DNAH1: variants seen among roughly 807,000 people sequenced by gnomAD.
DNAH1 encodes the protein axonemal beta dynein heavy chain 1.
In DNAH1, 327 loss-of-function variants were observed where a neutral mutation model predicts 484.3. The ratio of observed to expected loss-of-function variants is 0.68; its 90% confidence interval spans 0.62 to 0.74. The LOEUF (loss-of-function observed/expected upper bound fraction) is 0.74. Among genes scored for constraint, DNAH1 ranks in the 30% least tolerant of loss-of-function variants. The pLI is 0.00. For missense variants in DNAH1, 5,052 were observed against 5,546.8 expected, an observed-to-expected ratio of 0.91 and a Z score of 2.83; for synonymous variants, 2,192 against 2,191.9, an observed-to-expected ratio of 1.00 and a Z score of 0.00.
At chr3:52,375,167 A>T (rs976192063) in intron 44 of DNAH1, 73 bp from the exon 45 acceptor site, 3 of 1,476,418 alleles carry the variant, frequency 2.0e-6, no homozygotes, top group Non-Finnish European at 2.7e-6. Context: ...GAATTTTTGT[A>T]TGGAGAAGGG....
At chr3:52,332,994 C>T (rs1441051617) in intron 8 of DNAH1, among the ~76,000 whole-genome samples, 6 of 152,096 alleles carry the variant, frequency 3.9e-5, no homozygotes, top group Non-Finnish European at 4.4e-5. Flanking sequence ...CTCAAGCAAG[C>T]CTCCCACCTC....
At chr3:52,341,753 G>T (rs1352140482) in intron 8 of DNAH1, among the ~76,000 whole-genome samples, 2 of 152,084 alleles carry the variant, frequency 1.3e-5, no homozygotes, top group Admixed American at 1.3e-4. Flanking sequence ...TGTAGCTGGG[G>T]CTGTAGTCAT....
At chr3:52,376,392 G>A (rs947767249) in intron 46 of DNAH1, among the ~76,000 whole-genome samples, 10 of 152,172 alleles carry the variant, frequency 6.6e-5, no homozygotes, top group African/African-American at 1.4e-4. Flanking sequence ...GCGGCAAGGC[G>A]GCTGACCACT....
chr3:52,391,482 G>A lies in DNAH1; in HGVS notation c.9931G>A (p.Asp3311Asn), dbSNP rs771894574. The A allele has an allele frequency of 6.2e-7, 1 of 1,612,980 alleles. No individual in the cohort carries two copies. Among genetic ancestry groups the A allele is most frequent in the African/African-American group, 1.3e-5 (1 of 74,810 alleles). Reference protein sequence around the residue: ...QQGNTVLKLGDTVIPYHEDFR... With the variant: ...QQGNTVLKLGNTVIPYHEDFR... ...GGGAAACACGGTGCTGAAGCTGGGG[G>A]ACACGGTGATCCCCTACCATGAGGA... Residue 3311 changes from aspartate (D) to asparagine (N), a missense_variant, in exon 63 of 78, where the codon GAC (aspartate) becomes AAC (asparagine). Around this residue, in one of 4 missense-constraint regions of DNAH1, gnomAD observed 2,929 missense variants for 3,409.4 expected, o/e 0.86. Coordinates refer to ENST00000420323, the MANE Select transcript of DNAH1 (RefSeq NM_015512.5).
intron 8 of DNAH1, among the ~76,000 whole-genome samples, chr3:52,338,974 C>CA (rs1701832285): frequency 6.6e-6 from 1 of 151,638 alleles, no homozygotes; most frequent in Non-Finnish European, 1.5e-5. Context: ...GCAGAGCTTG[C>CA]AGTTAGCTGA....
chr3:52,355,153 C>A lies in DNAH1; in HGVS notation c.3693+98C>A. 1 of 1,229,006 alleles carries A rather than the reference C, an allele frequency of 8.1e-7. No individual in the cohort carries two copies. The highest frequency in any genetic ancestry group is 1.2e-6 in the Non-Finnish European group (1 of 859,334). The allele number at this position is 1,229,006 out of a possible 1,614,324, so 76.1% of individuals were successfully genotyped here. ...GGTCTCCGGGTGGGGTTCAAAGCAT[C>A]GCAGTGCCTTGCCCTCATTCACACA... is the stretch of plus-strand genomic sequence containing the variant. On this transcript the variant is annotated intron_variant, in intron 21 of 77. Transcript: ENST00000420323. This position sits in a 1 kb window ranked among gnomAD's most constrained non-coding sequence, Gnocchi z 4.5.
chr3:52,326,413 C>G lies in DNAH1; in HGVS notation c.581+99C>G. Reference sequence around the variant, plus strand: ...GATCACCAGGTGATAATCCTCATGGCAGAGCCTGTGCACAAGTGTTTAGAT... The same window carrying G: ...GATCACCAGGTGATAATCCTCATGGGAGAGCCTGTGCACAAGTGTTTAGAT... On this transcript the variant is annotated intron_variant, in intron 4 of 77. Coordinates refer to ENST00000420323, the MANE Select transcript of DNAH1 (RefSeq NM_015512.5). 3.6e-6 allele frequency: 5 copies of G among 1,382,744 alleles called. No individual in the cohort carries two copies. In the African/African-American group the frequency reaches 5.7e-5, roughly 16 times the overall value. The allele number at this position is 1,382,744 out of a possible 1,614,324, so 85.7% of individuals were successfully genotyped here. A position where few individuals can be genotyped will look rare whatever the true frequency, so the allele number is the denominator to read the frequency against.
rs777504039 is a variant in DNAH1 at position 52,370,819 on chromosome 3, C to T, written c.6519C>T (p.Tyr2173=). The T allele has an allele frequency of 9.3e-5, 149 of 1,598,304 alleles. No homozygotes were observed. The highest frequency in any genetic ancestry group is 8.4e-4 in the Middle Eastern group (5 of 5,980). The change falls in exon 41 of 78, where the codon TAC becomes TAT. Residue 2173 remains tyrosine, a synonymous_variant. Coordinates refer to ENST00000420323, the MANE Select transcript of DNAH1 (RefSeq NM_015512.5). ...TNDSEDEEEE[Y]KQVAWVKWMD... Reference sequence around the variant, plus strand: ...ACAGTGAGGATGAAGAGGAGGAATACAAGCAGGTGGCCGCAGGCCCTCCCC... The same window carrying T: ...ACAGTGAGGATGAAGAGGAGGAATATAAGCAGGTGGCCGCAGGCCCTCCCC...
intron 34 of DNAH1, 84 bp from the exon 35 acceptor site, chr3:52,366,373 C>G (rs1703072409): frequency 9.0e-7 from 1 of 1,111,826 alleles, no homozygotes; most frequent in African/African-American, 1.6e-5. Flanking sequence ...AGTGCAGTGA[C>G]TCACCCAAGG....
chr3:52,399,124 G>C lies in DNAH1; in HGVS notation c.12364G>C (p.Ala4122Pro). The C allele has an allele frequency of 1.2e-6, 2 of 1,614,004 alleles. No individual in the cohort carries two copies. Among genetic ancestry groups the C allele is most frequent in the Non-Finnish European group, 1.7e-6 (2 of 1,179,878 alleles). The change falls in exon 76 of 78, where the codon GCT becomes CCT. Residue 4122 changes from alanine (A) to proline (P), a missense_variant. Around this residue, in one of 4 missense-constraint regions of DNAH1, gnomAD observed 853 missense variants for 899.0 expected, o/e 0.95. Coordinates refer to ENST00000420323, the MANE Select transcript of DNAH1 (RefSeq NM_015512.5). ...FWISGFFFPQAFLTGTLQNFA... is the reference protein window; with the variant it reads ...FWISGFFFPQPFLTGTLQNFA... ...GATCAGTGGATTCTTCTTCCCCCAG[G>C]CTTTCTTAACAGGCACTCTGCAGAA...
Position 52,366,452 on chromosome 3 carries a change from C to T in DNAH1, c.5519-5C>T, listed in dbSNP as rs1274041521. ...GACCCTTGGGCCCCATGCCATGTCCCCCAGGCTTCCTGACAAAGTGCATCC... is the reference window on the plus strand; with the variant it reads ...GACCCTTGGGCCCCATGCCATGTCCTCCAGGCTTCCTGACAAAGTGCATCC... On this transcript the variant is annotated splice_region_variant and splice_polypyrimidine_tract_variant and intron_variant, in intron 34 of 77. Transcript: ENST00000420323. The T allele has an allele frequency of 1.6e-5, 25 of 1,587,272 alleles. No individual in the cohort carries two copies. The highest frequency in any genetic ancestry group is 2.1e-5 in the Non-Finnish European group (25 of 1,167,420).
chr3:52,380,372 G>C (rs1703791638), intron 48 of DNAH1, among the ~76,000 whole-genome samples: 1 of 152,084 alleles, frequency 6.6e-6, no homozygotes, highest in African/African-American at 2.4e-5. Flanking sequence ...ATGGGCTCTA[G>C]ACACAGGGGC....
chr3:52,358,844 T>C lies in DNAH1; in HGVS notation c.4266+107T>C. Reference sequence around the variant, plus strand: ...TCGTCCTCAGGCTGCAGCCCTGAGGTCCCTGGGGGCTCAGGCGGGATTCTG... The same window carrying C: ...TCGTCCTCAGGCTGCAGCCCTGAGGCCCCTGGGGGCTCAGGCGGGATTCTG... On this transcript the variant is annotated intron_variant, in intron 25 of 77. Transcript: ENST00000420323. This position sits in a 1 kb window ranked among gnomAD's most constrained non-coding sequence, Gnocchi z 4.2. 1 of 1,333,968 alleles carries C rather than the reference T, an allele frequency of 7.5e-7. No homozygotes were observed. The highest frequency in any genetic ancestry group is 1.0e-6 in the Non-Finnish European group (1 of 966,826). The allele number at this position is 1,333,968 out of a possible 1,614,324, so 82.6% of individuals were successfully genotyped here. A position where few individuals can be genotyped will look rare whatever the true frequency, so the allele number is the denominator to read the frequency against.
intron 3 of DNAH1, among the ~76,000 whole-genome samples, chr3:52,324,478 A>G (rs1701263325): frequency 6.6e-6 from 1 of 152,104 alleles, no homozygotes; most frequent in South Asian, 2.1e-4. Context: ...GTGGCCTCCC[A>G]CCTGGCCAGG....
At position 52,353,511 on chromosome 3, in the gene DNAH1, A is replaced by G. The variant is rs759033091; in HGVS notation, c.3358A>G (p.Ile1120Val). 2 of 1,613,952 alleles carry G rather than the reference A, an allele frequency of 1.2e-6. No homozygotes were observed. The highest frequency in any genetic ancestry group is 1.7e-5 in the Admixed American group (1 of 60,026). The change falls in exon 20 of 78, where the codon ATC becomes GTC. Residue 1120 changes from isoleucine (I) to valine (V), a missense_variant. By Grantham distance (29) the Ile-to-Val change is conservative. This residue lies in a region of DNAH1 where 2,929 missense variants were observed against 3,409.4 expected (regional missense o/e 0.86). Coordinates refer to ENST00000420323, the MANE Select transcript of DNAH1 (RefSeq NM_015512.5). The surrounding 1 kb of genome is among the most constrained non-coding windows in gnomAD (Gnocchi z 5.0). ...GGAGACACTGTCCAACCAGATCAAC[A>G]TCAATGTCAGGCCCAAGGCCAACCT... ...HWETLSNQININVRPKANLTF... is the reference protein window; with the variant it reads ...HWETLSNQINVNVRPKANLTF...
At chr3:52,387,268 T>C (rs1704150847) in intron 56 of DNAH1, among the ~76,000 whole-genome samples, 1 of 151,998 alleles carries the variant, frequency 6.6e-6, no homozygotes, top group African/African-American at 2.4e-5. Context: ...ATCCCCTCTC[T>C]CCCTCAGCCT....
Position 52,374,717 on chromosome 3 carries a change from A to G in DNAH1, c.6986-523A>G. The G allele has an allele frequency of 3.0e-6, 4 of 1,346,432 alleles. No homozygotes were observed. The South Asian group carries it at 4.7e-5, about 16-fold the overall frequency. The allele number at this position is 1,346,432 out of a possible 1,614,324, so 83.4% of individuals were successfully genotyped here. A position where few individuals can be genotyped will look rare whatever the true frequency, so the allele number is the denominator to read the frequency against. On this transcript the variant is annotated intron_variant, in intron 44 of 77. Coordinates refer to ENST00000420323, the MANE Select transcript of DNAH1 (RefSeq NM_015512.5). Reference sequence around the variant, plus strand: ...CAAAGACCCATTGGAACAAGATAATACATGGCTTGATATACAACGCCCTGA... The same window carrying G: ...CAAAGACCCATTGGAACAAGATAATGCATGGCTTGATATACAACGCCCTGA...
chr3:52,379,956 C>T lies in DNAH1; in HGVS notation c.7429C>T (p.Arg2477Trp), dbSNP rs765589152. 25 of 1,581,768 alleles carry T rather than the reference C, an allele frequency of 1.6e-5. No homozygotes were observed. The South Asian group carries it at 2.3e-4, about 15-fold the overall frequency. Residue 2477 changes from arginine to tryptophan, a missense_variant, in exon 48 of 78, where the codon CGG (arginine) becomes TGG (tryptophan). Arg to Trp is a moderately radical substitution (Grantham distance 101). This residue lies in a region of DNAH1 where 2,929 missense variants were observed against 3,409.4 expected (regional missense o/e 0.86). Coordinates refer to ENST00000420323, the MANE Select transcript of DNAH1 (RefSeq NM_015512.5). This position sits in a 1 kb window ranked among gnomAD's most constrained non-coding sequence, Gnocchi z 4.4. ...LWYHENCRVF[R>W]DRLVNEEDRS... ...GTATCACGAGAACTGCCGCGTGTTC[C>T]GGGACCGACTGGTGAATGAGGAGGA...
In DNAH1 at chr3:52,372,335, C is replaced by G. The variant is rs762077685; in HGVS notation, c.6775C>G (p.Arg2259Gly). 6.2e-7 allele frequency: 1 copy of G among 1,614,036 alleles called. No individual in the cohort carries two copies. The highest frequency in any genetic ancestry group is 1.7e-5 in the Admixed American group (1 of 60,030). The change falls in exon 43 of 78, where the codon CGC becomes GGC. Residue 2259 changes from arginine to glycine, a missense_variant. By Grantham distance (125) the Arg-to-Gly change is moderately radical. Coordinates refer to ENST00000420323, the MANE Select transcript of DNAH1 (RefSeq NM_015512.5). ...CAGCCACTTCCTCACCTTCTCAGCCCGCACTTCAGCCAACCAGACCCAGGA... is the reference window on the plus strand; with the variant it reads ...CAGCCACTTCCTCACCTTCTCAGCCGGCACTTCAGCCAACCAGACCCAGGA... ...YISHFLTFSARTSANQTQDFI... is the reference protein window; with the variant it reads ...YISHFLTFSAGTSANQTQDFI...
Sources: allele counts gnomAD v4.1 joint callset (sites outside exome capture counted in the v4.1 genomes callset), GRCh38; gene constraint gnomAD v4.1.1; regional missense constraint gnomAD v4.1.1; non-coding constraint Gnocchi (gnomAD v3.1); transcripts MANE v1.5; gene names NCBI Gene and HGNC (gene_info 2026-07-23, HGNC 2026-07-21).